C9orf153: variants seen among roughly 807,000 people sequenced by gnomAD.
C9orf153 encodes the protein chromosome 9 open reading frame 153.
Under a neutral mutation model 9.0 loss-of-function variants are expected in C9orf153, and 10 were observed. That is an observed-to-expected ratio of 1.11 (90% CI 0.69 to 1.89). The LOEUF (loss-of-function observed/expected upper bound fraction) is 1.89, where lower values mean the gene tolerates loss of function less well. Among genes scored for constraint, C9orf153 ranks in the 40% most tolerant of loss-of-function variants. The pLI is 0.00. For missense variants in C9orf153, 108 were observed against 111.0 expected (o/e 0.97, Z 0.12); for synonymous variants, 35 against 37.3 (o/e 0.94, Z 0.23).
intron 1 of C9orf153, among the ~76,000 whole-genome samples, chr9:86,248,392 C>T (rs1200121087): frequency 6.6e-6 from 1 of 152,142 alleles, no homozygotes; most frequent in Non-Finnish European, 1.5e-5. Flanking sequence ...TCTCGGCCTC[C>T]CAAAGTGCTG....
At chr9:86,241,326 G>T (rs1317137514) in intron 1 of C9orf153, among the ~76,000 whole-genome samples, 1 of 149,478 alleles carries the variant, frequency 6.7e-6, no homozygotes, top group Non-Finnish European at 1.5e-5. Context: ...CATGTTCCAG[G>T]TCCTGCCCGG....
At position 86,229,592 on chromosome 9, in the gene C9orf153, A is replaced by G; in HGVS notation, c.12T>C (p.Thr4=). The change falls in exon 2 of 4, where the codon ACT becomes ACC. Residue 4 remains threonine, a synonymous_variant. Coordinates refer to ENST00000339137, the MANE Select transcript of C9orf153 (RefSeq NM_001276366.4). The part of the protein sequence containing the change: MFL[T]GDTSPAEDNR... The stretch of plus-strand genomic sequence containing the variant: ...TGTCCTCAGCTGGACTGGTGTCTCC[A>G]GTGAGGAACATCGTGCTGGGATTTT... 6.2e-7 allele frequency: 1 copy of G among 1,612,092 alleles called. No homozygotes were observed.
Position 86,221,097 on chromosome 9 carries a change from T to G in C9orf153, c.*591A>C, listed in dbSNP as rs1824190508. The G allele has an allele frequency of 1.3e-5, 2 of 152,250 alleles. No individual in the cohort carries two copies. Among genetic ancestry groups the G allele is most frequent in the African/African-American group, 4.8e-5 (2 of 41,470 alleles). 9.4% of individuals were successfully genotyped at this position (152,250 alleles called of 1,614,324 possible). On this transcript the variant is annotated 3_prime_UTR_variant, in exon 4 of 4. Coordinates refer to ENST00000339137, the MANE Select transcript of C9orf153 (RefSeq NM_001276366.4). Reference sequence around the variant, plus strand: ...CTTTGTCACTGGACAGTTAATAGATTATATTTAAGTTCTCATATTGATCTC... The same window carrying G: ...CTTTGTCACTGGACAGTTAATAGATGATATTTAAGTTCTCATATTGATCTC...
chr9:86,238,969 A>AAC, intron 1 of C9orf153, among the ~76,000 whole-genome samples: 1 of 151,714 alleles, frequency 6.6e-6, no homozygotes, highest in East Asian at 1.9e-4. Context: ...GTAAAAAAAA[A>AAC]AAACAAACAT....
At chr9:86,257,352 G>A (rs956586478) in intron 1 of C9orf153, among the ~76,000 whole-genome samples, 1 of 152,178 alleles carries the variant, frequency 6.6e-6, no homozygotes, top group Non-Finnish European at 1.5e-5. Context: ...GGAGATGGGA[G>A]CCCATAGGAA....
Position 86,221,341 on chromosome 9 carries a change from G to T in C9orf153, c.*347C>A. ...GTTAGCAGATTAAATCGGACCTTTT[G>T]CTCTGTATTAACGGCTTAATTTTAC... On this transcript the variant is annotated 3_prime_UTR_variant, in exon 4 of 4. Transcript: ENST00000339137. 4.7e-6 allele frequency: 1 copy of T among 210,558 alleles called. No homozygotes were observed. The highest frequency in any genetic ancestry group is 9.1e-6 in the Non-Finnish European group (1 of 109,834). 13.0% of individuals were successfully genotyped at this position (210,558 alleles called of 1,614,324 possible).
intron 1 of C9orf153, among the ~76,000 whole-genome samples, chr9:86,257,608 C>T (rs751667137): frequency 3.9e-5 from 6 of 152,078 alleles, no homozygotes; most frequent in Non-Finnish European, 8.8e-5. Context: ...CCAGGGGAGC[C>T]GCTTGTCTGA....
At chr9:86,232,469 G>A (rs1824493002) in intron 1 of C9orf153, among the ~76,000 whole-genome samples, 1 of 152,178 alleles carries the variant, frequency 6.6e-6, no homozygotes, top group Admixed American at 6.5e-5. Flanking sequence ...TGTGAGTAAA[G>A]TGAAGCTTTT....
intron 1 of C9orf153, among the ~76,000 whole-genome samples, chr9:86,238,117 A>T (rs990287396): frequency 6.6e-6 from 1 of 152,108 alleles, no homozygotes; most frequent in African/African-American, 2.4e-5. Flanking sequence ...CAAAAAACCC[A>T]AAACAAACCA....
intron 1 of C9orf153, among the ~76,000 whole-genome samples, chr9:86,240,098 A>G (rs1321808775): frequency 6.6e-6 from 1 of 152,204 alleles, no homozygotes; most frequent in Non-Finnish European, 1.5e-5. Flanking sequence ...CTTTATAATC[A>G]TATGGTTCTA....
rs757701675 is a variant in C9orf153 at position 86,227,943 on chromosome 9, C to G, written c.154G>C (p.Glu52Gln). 4.3e-6 allele frequency: 7 copies of G among 1,613,624 alleles called. No homozygotes were observed. Among genetic ancestry groups the G allele is most frequent in the Non-Finnish European group, 5.9e-6 (7 of 1,179,840 alleles). ...TTTCTAGCAAGTACTTCCTGTGCTT[C>G]GTTAAGTGAAATACCATGCATTTTT... ...LLKMHGISLN[E>Q]AQEVLARNLN... is the part of the protein sequence containing the mutation. Residue 52 changes from glutamate (E) to glutamine (Q), a missense_variant, in exon 3 of 4, where the codon GAA (glutamate) becomes CAA (glutamine). Coordinates refer to ENST00000339137, the MANE Select transcript of C9orf153 (RefSeq NM_001276366.4).
Position 86,221,635 on chromosome 9 carries a change from A to G in C9orf153, c.*53T>C. On this transcript the variant is annotated 3_prime_UTR_variant, in exon 4 of 4. Coordinates refer to ENST00000339137, the MANE Select transcript of C9orf153 (RefSeq NM_001276366.4). ...TCTACAAATCTCTTCTCAGTGTTGT[A>G]TTTTATGTCTCCGAATGAAATTGCA... is the stretch of plus-strand genomic sequence containing the variant. The G allele has an allele frequency of 6.5e-7, 1 of 1,542,784 alleles. No individual in the cohort carries two copies. The highest frequency in any genetic ancestry group is 8.7e-7 in the Non-Finnish European group (1 of 1,143,604).
At position 86,236,759 on chromosome 9, in the gene C9orf153, T is replaced by C. The variant is rs369369204; in HGVS notation, c.-26-7130A>G. On this transcript the variant is annotated intron_variant, in intron 1 of 3. Coordinates refer to ENST00000339137, the MANE Select transcript of C9orf153 (RefSeq NM_001276366.4). ...GTAAATGAAGATTAAAATAAAAATG[T>C]TTATTTTTCATATTCTTAATTGATG... 1.7e-4 allele frequency among the ~76,000 whole-genome samples: 26 copies of C among 151,858 alleles called. No homozygotes were observed. In the South Asian group the frequency reaches 5.4e-3, roughly 32 times the overall value.
At chr9:86,229,941 C>G (rs1824433041) in intron 1 of C9orf153, among the ~76,000 whole-genome samples, 1 of 151,868 alleles carries the variant, frequency 6.6e-6, no homozygotes, top group South Asian at 2.1e-4. Context: ...ATGGCCAGGA[C>G]AGGAGAAAGA....
chr9:86,227,006 T>A (rs1824352271), intron 3 of C9orf153, among the ~76,000 whole-genome samples: 1 of 152,186 alleles, frequency 6.6e-6, no homozygotes, highest in Non-Finnish European at 1.5e-5. Flanking sequence ...CCTCAGGTGA[T>A]CTGCCCGCCT....
intron 2 of C9orf153, 67 bp downstream of exon 2, chr9:86,229,471 G>C (rs949353550): frequency 1.8e-6 from 2 of 1,121,038 alleles, no homozygotes; most frequent in African/African-American, 1.5e-5. Flanking sequence ...TCAATAGTTT[G>C]AATGTTTATG....
intron 3 of C9orf153, among the ~76,000 whole-genome samples, chr9:86,224,744 G>A (rs1421198060): frequency 2.0e-5 from 3 of 148,566 alleles, no homozygotes; most frequent in Non-Finnish European, 4.4e-5. Context: ...TGGCTAATAC[G>A]GTAAAACCCC....
intron 3 of C9orf153, among the ~76,000 whole-genome samples, chr9:86,224,828 A>G (rs1379897326): frequency 6.6e-6 from 1 of 151,086 alleles, no homozygotes; most frequent in East Asian, 1.9e-4. Context: ...AGTCCCAGCT[A>G]CATGGGAGAG....
chr9:86,229,437 G>T, intron 2 of C9orf153, 101 bp downstream of exon 2: 1 of 771,136 alleles, frequency 1.3e-6, no homozygotes, highest in Non-Finnish European at 2.2e-6. Flanking sequence ...GTTTCCCATG[G>T]CTCCCAAGTG....
Sources: gnomAD v4.1 joint callset for allele counts (sites outside exome capture counted in the v4.1 genomes callset) on GRCh38, gnomAD v4.1.1 for gene constraint, MANE v1.5 for transcripts, NCBI Gene and HGNC (gene_info 2026-07-23, HGNC 2026-07-21) for gene names.